The following NSMCE2 variants were observed in gnomAD, a reference collection of about 807,000 sequenced individuals.
The protein encoded by NSMCE2 is NSE2 SUMO ligase component of SMC5/6 complex, also known as E3 SUMO-protein ligase NSE2.
Under a neutral mutation model 23.8 loss-of-function variants are expected in NSMCE2, and 24 were observed. The ratio of observed to expected loss-of-function variants is 1.01; its 90% CI spans 0.73 to 1.42. NSMCE2 has a LOEUF of 1.42. Ranked by LOEUF, NSMCE2 falls within the 40% of genes most tolerant of loss-of-function variation. The pLI is 0.00. For missense variants in NSMCE2, 284 were observed against 296.5 expected (o/e 0.96, Z 0.31); for synonymous variants, 92 against 94.1 (o/e 0.98, Z 0.13).
chr8:125,109,577 T>G (rs1463608482), intron 3 of NSMCE2, among the ~76,000 whole-genome samples: 1 of 152,212 alleles, frequency 6.6e-6, no homozygotes, highest in Admixed American at 6.5e-5. Flanking sequence ...AATGATCACA[T>G]AGGTATCATT....
At chr8:125,176,348 TA>T (rs1822492295) in intron 4 of NSMCE2, among the ~76,000 whole-genome samples, 1 of 152,238 alleles carries the variant, frequency 6.6e-6, no homozygotes, top group Non-Finnish European at 1.5e-5. Context: ...AATTCCTTCC[TA>T]AACTTTGTGG....
intron 5 of NSMCE2, among the ~76,000 whole-genome samples, chr8:125,270,193 G>A (rs1477714192): frequency 6.6e-6 from 1 of 152,184 alleles, no homozygotes; most frequent in Non-Finnish European, 1.5e-5. Context: ...AGGTCCAGGT[G>A]CGGTGACTCA....
chr8:125,353,844 T>C (rs1270320992), intron 5 of NSMCE2, among the ~76,000 whole-genome samples: 2 of 150,718 alleles, frequency 1.3e-5, no homozygotes, highest in African/African-American at 4.9e-5. Flanking sequence ...GATCGTGCCA[T>C]TGCACTCCAG....
At chr8:125,170,376 CTTTTTTTTTTTTTTTTTTT>C (rs565593006) in intron 4 of NSMCE2, among the ~76,000 whole-genome samples, 4,220 of 37,890 alleles carry the variant, frequency 0.11, 136 homozygotes, top group Middle Eastern at 0.22. Context: ...CTCTTTATTT[CTTTTTTTTTTTTTTTTTTT>C]TTTTTTTTTT....
At chr8:125,128,352 A>G (rs564938928) in intron 3 of NSMCE2, among the ~76,000 whole-genome samples, 28 of 152,318 alleles carry the variant, frequency 1.8e-4, no homozygotes, top group African/African-American at 6.3e-4. Context: ...TGGACTAGAA[A>G]GGTGGTAAGG....
At chr8:125,131,166 G>A (rs1819755388) in intron 3 of NSMCE2, among the ~76,000 whole-genome samples, 1 of 152,168 alleles carries the variant, frequency 6.6e-6, no homozygotes, top group Non-Finnish European at 1.5e-5. Flanking sequence ...TGGCATTGTG[G>A]TAGTTTATTA....
chr8:125,240,046 T>A (rs925492372), intron 5 of NSMCE2, among the ~76,000 whole-genome samples: 3 of 152,068 alleles, frequency 2.0e-5, no homozygotes, highest in Admixed American at 1.3e-4. Context: ...TGGACTGAAC[T>A]GAAAAGACAA....
At chr8:125,121,113 A>G (rs1400389149) in intron 3 of NSMCE2, among the ~76,000 whole-genome samples, 1 of 152,200 alleles carries the variant, frequency 6.6e-6, no homozygotes, top group Non-Finnish European at 1.5e-5. Flanking sequence ...TAGAGCCAGG[A>G]GAAAGTGGCC....
chr8:125,153,618 G>A (rs2130692776), intron 4 of NSMCE2, among the ~76,000 whole-genome samples: 1 of 152,272 alleles, frequency 6.6e-6, no homozygotes, highest in South Asian at 2.1e-4. Flanking sequence ...GGGATCTGAA[G>A]CTTTTCCAGC....
chr8:125,298,648 T>TGG (rs1828423464), intron 5 of NSMCE2, among the ~76,000 whole-genome samples: 1 of 151,738 alleles, frequency 6.6e-6, no homozygotes, highest in African/African-American at 2.4e-5. Context: ...ACGTGACCAG[T>TGG]GGTTCTTAAC....
rs1179047063 is a variant in NSMCE2 at position 125,357,287 on chromosome 8, AG to A, written c.488del (p.Ser163IlefsTer14). On this transcript the variant is annotated frameshift_variant, in exon 6 of 8. Coordinates refer to ENST00000287437, the MANE Select transcript of NSMCE2 (RefSeq NM_173685.4). LOFTEE classifies it high-confidence loss of function. ...GGATGAAGATATAATTGTGACCCAA[AG>A]TCAGACCAACTTCACCTGCCCCATT... ...GVDEDIIVTQ[S>X]QTNFTCPITK... The A allele has an allele frequency of 1.2e-6, 2 of 1,613,190 alleles. No homozygotes were observed. Among genetic ancestry groups the A allele is most frequent in the Non-Finnish European group, 8.5e-7 (1 of 1,179,234 alleles).
At chr8:125,183,962 A>G (rs891757695) in intron 5 of NSMCE2, among the ~76,000 whole-genome samples, 2 of 152,180 alleles carry the variant, frequency 1.3e-5, no homozygotes, top group African/African-American at 4.8e-5. Context: ...CCAGTTATTA[A>G]CATCTCTTTA....
At chr8:125,293,682 A>G (rs1828205268) in intron 5 of NSMCE2, among the ~76,000 whole-genome samples, 1 of 152,202 alleles carries the variant, frequency 6.6e-6, no homozygotes, top group African/African-American at 2.4e-5. Context: ...TAGGTCTTGA[A>G]CCTTTAGCTG....
chr8:125,240,131 T>TTTTTC (rs5894750), intron 5 of NSMCE2, among the ~76,000 whole-genome samples: 4 of 91,052 alleles, frequency 4.4e-5, no homozygotes, highest in African/African-American at 1.3e-4. Context: ...TTTCTTTTTC[T>TTTTTC]TTTTTTTTTT....
At chr8:125,240,143 T>C (rs76809644) in intron 5 of NSMCE2, among the ~76,000 whole-genome samples, 1 of 151,038 alleles carries the variant, frequency 6.6e-6, no homozygotes, top group Non-Finnish European at 1.5e-5. Flanking sequence ...TTTTTTTTTT[T>C]GAGACGGAGT....
chr8:125,309,115 C>T (rs1211642646), intron 5 of NSMCE2, among the ~76,000 whole-genome samples: 2 of 151,924 alleles, frequency 1.3e-5, no homozygotes, highest in Non-Finnish European at 2.9e-5. Flanking sequence ...GGCATGGTGG[C>T]GCATCCCTGT....
chr8:125,178,282 C>T (rs1822593511), intron 4 of NSMCE2, among the ~76,000 whole-genome samples: 1 of 152,150 alleles, frequency 6.6e-6, no homozygotes, highest in South Asian at 2.1e-4. Flanking sequence ...CTCTTCTGGT[C>T]TACTCTCATT....
chr8:125,138,896 T>C (rs896546828), intron 3 of NSMCE2, among the ~76,000 whole-genome samples: 2 of 152,200 alleles, frequency 1.3e-5, no homozygotes, highest in Admixed American at 6.5e-5. Context: ...GCTTCTGATA[T>C]TGAGGTGGAA....
At position 125,291,477 on chromosome 8, in the gene NSMCE2, T is replaced by G. The variant is rs113877424; in HGVS notation, c.419-65742T>G. On this transcript the variant is annotated intron_variant, in intron 5 of 7. Transcript: ENST00000287437. ...ACAGTTCTATGAGCTGGTCAATGAT[T>G]AATCAAGTGCACAATAGGAGATATA... Among the ~76,000 whole-genome samples the G allele has an allele frequency of 5.1e-3, 779 of 152,316 alleles. 3 individuals are homozygous for G. The highest frequency in any genetic ancestry group is 7.5e-3 in the Non-Finnish European group (512 of 68,036).
Sources: gnomAD v4.1 joint callset for allele counts (sites outside exome capture counted in the v4.1 genomes callset) on GRCh38, gnomAD v4.1.1 for gene constraint, MANE v1.5 for transcripts, NCBI Gene and HGNC (gene_info 2026-07-23, HGNC 2026-07-21) for gene names.